Variants in ALOX5 observed in about 807,000 individuals in gnomAD.
ALOX5 encodes the protein arachidonate 5-lipoxygenase.
ALOX5 carries 64 observed loss-of-function variants against 87.9 expected under a neutral mutation model. That is an observed-to-expected ratio of 0.73 (90% CI 0.60 to 0.90). The LOEUF is 0.90. Ranked by LOEUF, ALOX5 falls within the 40% of genes least tolerant of loss-of-function variation. The pLI is 0.00. For synonymous variants in ALOX5, 388 were observed against 355.1 expected (o/e 1.09, Z -1.04); for missense variants, 822 against 907.5 (o/e 0.91, Z 1.21).
chr10:45,426,889 A>C (rs1564440643), intron 6 of ALOX5, among the ~76,000 whole-genome samples: 1 of 152,052 alleles, frequency 6.6e-6, no homozygotes, highest in Non-Finnish European at 1.5e-5. Flanking sequence ...AGCTTAGCAA[A>C]CACCACCCAC....
At chr10:45,428,383 A>G in intron 6 of ALOX5, 2 of 567,184 alleles carry the variant, frequency 3.5e-6, no homozygotes, top group Non-Finnish European at 6.2e-6. Flanking sequence ...CAGACACCAC[A>G]AATGCCGAAT....
chr10:45,399,889 A>C (rs1840638277), intron 3 of ALOX5, among the ~76,000 whole-genome samples: 1 of 152,262 alleles, frequency 6.6e-6, no homozygotes, highest in South Asian at 2.1e-4. Context: ...TAAGCACGTG[A>C]AAATATGCTC....
chr10:45,390,846 C>G (rs187198855), intron 2 of ALOX5, among the ~76,000 whole-genome samples: 2,572 of 152,168 alleles, frequency 0.017, 75 homozygotes, highest in African/African-American at 0.058. Flanking sequence ...AAGATCAGAG[C>G]AGAACTGAAG....
At position 45,423,366 on chromosome 10, in the gene ALOX5, C is replaced by T. The variant is rs74477197; in HGVS notation, c.555-675C>T. Among the ~76,000 whole-genome samples the T allele has an allele frequency of 3.3e-5, 5 of 152,338 alleles. No homozygotes were observed. In the East Asian group the frequency reaches 7.7e-4, roughly 23 times the overall value. ...TGGTGAACACTGGGCAGCACTCCCACGCTCCTGTCCTGCACTCTGCAGGGT... is the reference window on the plus strand; with the variant it reads ...TGGTGAACACTGGGCAGCACTCCCATGCTCCTGTCCTGCACTCTGCAGGGT... On this transcript the variant is annotated intron_variant, in intron 4 of 13. Transcript: ENST00000374391.
chr10:45,426,095 C>T lies in ALOX5; in HGVS notation c.834+963C>T, dbSNP rs117811571. Among the ~76,000 whole-genome samples the T allele has an allele frequency of 4.9e-3, 752 of 152,314 alleles. 5 individuals carry two copies. The highest frequency in any genetic ancestry group is 7.4e-3 in the Non-Finnish European group (503 of 68,034). ...ATGTGAACAGCTGACAGTTACAATC[C>T]CCCACACACTGAGAGAGCATCTGTG... On this transcript the variant is annotated intron_variant, in intron 6 of 13. Coordinates refer to ENST00000374391, the MANE Select transcript of ALOX5 (RefSeq NM_000698.5).
chr10:45,390,581 C>G (rs147116052), intron 2 of ALOX5, among the ~76,000 whole-genome samples: 3,428 of 152,316 alleles, frequency 0.023, 126 homozygotes, highest in African/African-American at 0.078. Flanking sequence ...CAACCTGCAC[C>G]TGAATGACTA....
At chr10:45,419,363 C>T (rs1841419235) in intron 4 of ALOX5, among the ~76,000 whole-genome samples, 1 of 152,006 alleles carries the variant, frequency 6.6e-6, no homozygotes, top group South Asian at 2.1e-4. Flanking sequence ...AAGATGAGTC[C>T]AGGGGTTGGG....
intron 3 of ALOX5, among the ~76,000 whole-genome samples, chr10:45,398,826 G>T (rs1348000504): frequency 6.6e-6 from 1 of 152,206 alleles, no homozygotes; most frequent in East Asian, 1.9e-4. Flanking sequence ...TGTTGACAAG[G>T]ATGTGGAGAA....
chr10:45,403,666 G>C (rs923979267), intron 3 of ALOX5, among the ~76,000 whole-genome samples: 2 of 152,124 alleles, frequency 1.3e-5, no homozygotes, highest in African/African-American at 4.8e-5. Flanking sequence ...CATGCCATTA[G>C]CATCAAGTGT....
intron 2 of ALOX5, among the ~76,000 whole-genome samples, chr10:45,385,232 C>A (rs765441325): frequency 3.3e-5 from 5 of 152,172 alleles, no homozygotes; most frequent in Non-Finnish European, 5.9e-5. Flanking sequence ...ACAAGTGATT[C>A]AATTACTCAC....
intron 2 of ALOX5, among the ~76,000 whole-genome samples, chr10:45,386,579 T>C (rs985367149): frequency 6.6e-6 from 1 of 151,130 alleles, no homozygotes; most frequent in Admixed American, 6.6e-5. Context: ...TTGCACCTAA[T>C]AAGAAAAAAA....
chr10:45,442,459 C>T (rs76819096), intron 9 of ALOX5, among the ~76,000 whole-genome samples: 1,802 of 152,340 alleles, frequency 0.012, 31 homozygotes, highest in African/African-American at 0.041. Flanking sequence ...GACAGCCCAG[C>T]CCCCTGGGTG....
In ALOX5 at chr10:45,429,809, C is replaced by T. The variant is rs1841852314; in HGVS notation, c.981+1045C>T. On this transcript the variant is annotated intron_variant, in intron 7 of 13. Transcript: ENST00000374391. ...TTCTGGATTCTGAAGCACATTTGAC[C>T]ACTGGGGTTTTAGATAACCTATCTT... 2.0e-5 allele frequency among the ~76,000 whole-genome samples: 3 copies of T among 152,160 alleles called. No individual in the cohort carries two copies. In the East Asian group the frequency reaches 5.8e-4, roughly 29 times the overall value.
intron 5 of ALOX5, among the ~76,000 whole-genome samples, chr10:45,424,736 CAGG>C (rs1841633670): frequency 1.3e-5 from 2 of 152,188 alleles, no homozygotes; most frequent in Admixed American, 1.3e-4. Flanking sequence ...CTGAGTGCTC[CAGG>C]AGGCTTCTGA....
chr10:45,443,273 C>T (rs1276593778), intron 10 of ALOX5, 57 bp downstream of exon 10: 2 of 1,589,818 alleles, frequency 1.3e-6, no homozygotes, highest in Non-Finnish European at 1.7e-6. Context: ...TGCCTGACTA[C>T]CTGGGGCGGG....
chr10:45,396,992 C>A (rs192802652), intron 3 of ALOX5, among the ~76,000 whole-genome samples: 1 of 152,056 alleles, frequency 6.6e-6, no homozygotes, highest in African/African-American at 2.4e-5. Flanking sequence ...AATAGACATA[C>A]AAAAAAGGCA....
In ALOX5 at chr10:45,440,573, G is replaced by A. The variant is rs774180136; in HGVS notation, c.1125G>A (p.Val375=). The A allele has an allele frequency of 1.9e-6, 3 of 1,614,054 alleles. No individual in the cohort carries two copies. The East Asian group carries it at 6.7e-5, about 36-fold the overall frequency. ...CCCACCTTCTGCGAACACATCTGGT[G>A]TCTGAGGTTTTTGGCATTGCAATGT... The part of the protein sequence containing the change: ...TITHLLRTHL[V]SEVFGIAMYR... Residue 375 remains valine (V), a synonymous_variant, in exon 8 of 14, where the codon GTG becomes GTA. Transcript: ENST00000374391.
intron 3 of ALOX5, among the ~76,000 whole-genome samples, chr10:45,410,614 A>G (rs534275612): frequency 6.6e-6 from 1 of 152,220 alleles, no homozygotes; most frequent in Non-Finnish European, 1.5e-5. Flanking sequence ...TATTAAAATA[A>G]CTCAGGACTT....
intron 8 of ALOX5, 113 bp from the exon 9 acceptor site, chr10:45,441,231 C>A: frequency 1.1e-6 from 1 of 878,064 alleles, no homozygotes; most frequent in Non-Finnish European, 1.8e-6. Context: ...CACTTCCTCC[C>A]TGCGCCCAGC....
Sources: allele counts gnomAD v4.1 joint callset (sites outside exome capture counted in the v4.1 genomes callset), GRCh38; gene constraint gnomAD v4.1.1; transcripts MANE v1.5; gene names NCBI Gene and HGNC (gene_info 2026-07-23, HGNC 2026-07-21).